The following CXCL13 variants were observed in gnomAD, a reference collection of about 807,000 sequenced individuals.
The protein encoded by CXCL13 is C-X-C motif chemokine ligand 13.
CXCL13 carries 7 observed loss-of-function variants against 12.2 expected under a neutral mutation model. The ratio of observed to expected loss-of-function variants is 0.57; its 90% CI spans 0.33 to 1.07. CXCL13 has a LOEUF of 1.07. CXCL13 is among the 50% of genes least tolerant of loss of function. CXCL13 has a pLI of 0.04. For synonymous variants in CXCL13, 47 were observed against 42.4 expected (o/e 1.11, Z -0.42); for missense variants, 113 against 127.4 (o/e 0.89, Z 0.55).
At chr4:77,539,731 G>A (rs1725155876) in intron 1 of CXCL13, among the ~76,000 whole-genome samples, 1 of 152,186 alleles carries the variant, frequency 6.6e-6, no homozygotes, top group African/African-American at 2.4e-5. Flanking sequence ...ACCAGTTTCA[G>A]GTGTTTATAT....
intron 1 of CXCL13, among the ~76,000 whole-genome samples, chr4:77,588,008 C>G (rs1726519761): frequency 1.3e-5 from 2 of 152,216 alleles, no homozygotes. Context: ...AGGTTCCCAC[C>G]TACTCAGCCT....
intron 1 of CXCL13, among the ~76,000 whole-genome samples, chr4:77,589,262 A>T (rs1726551449): frequency 6.6e-6 from 1 of 152,202 alleles, no homozygotes; most frequent in African/African-American, 2.4e-5. Flanking sequence ...GTAAAATCTC[A>T]TGCCATCCTG....
chr4:77,569,523 A>G (rs1726014188), intron 1 of CXCL13, among the ~76,000 whole-genome samples: 1 of 152,292 alleles, frequency 6.6e-6, no homozygotes, highest in South Asian at 2.1e-4. Context: ...CAACTGCCAC[A>G]CACACACATA....
intron 1 of CXCL13, among the ~76,000 whole-genome samples, chr4:77,564,669 C>T (rs1369991335): frequency 1.3e-5 from 2 of 152,164 alleles, no homozygotes; most frequent in Non-Finnish European, 2.9e-5. Context: ...AAATCATTGC[C>T]CAGGGCACCT....
chr4:77,567,344 G>T (rs1725963684), intron 1 of CXCL13, among the ~76,000 whole-genome samples: 1 of 152,138 alleles, frequency 6.6e-6, no homozygotes, highest in Admixed American at 6.5e-5. Context: ...CCTATTTGGT[G>T]GTCTCTTCAC....
At chr4:77,588,321 G>C (rs1726528424) in intron 1 of CXCL13, among the ~76,000 whole-genome samples, 1 of 152,166 alleles carries the variant, frequency 6.6e-6, no homozygotes, top group African/African-American at 2.4e-5. Context: ...TGAGGCATAA[G>C]ATAAACTATG....
chr4:77,605,976 C>A, intron 1 of CXCL13, 47 bp downstream of exon 1: 1 of 1,336,144 alleles, frequency 7.5e-7, no homozygotes, highest in East Asian at 2.4e-5. Context: ...CAGAAATAGT[C>A]TTTAACCACT....
chr4:77,516,945 G>C (rs1309595659), intron 1 of CXCL13, among the ~76,000 whole-genome samples: 1 of 152,088 alleles, frequency 6.6e-6, no homozygotes, highest in Admixed American at 6.5e-5. Flanking sequence ...TGGGCATTTA[G>C]TGCTATAAAT....
At chr4:77,562,277 C>A (rs1560526839) in intron 1 of CXCL13, among the ~76,000 whole-genome samples, 1 of 151,472 alleles carries the variant, frequency 6.6e-6, no homozygotes, top group Non-Finnish European at 1.5e-5. Flanking sequence ...GCAACGCCCC[C>A]TGCTCTGCTG....
upstream of CXCL13, among the ~76,000 whole-genome samples, chr4:77,605,167 G>T (rs912688156): frequency 3.9e-5 from 6 of 152,104 alleles, no homozygotes; most frequent in Admixed American, 1.3e-4. Flanking sequence ...CAAGGCTGTT[G>T]TCTCCCTCCC....
intron 1 of CXCL13, among the ~76,000 whole-genome samples, chr4:77,594,299 G>T (rs1440308260): frequency 6.6e-6 from 1 of 152,006 alleles, no homozygotes; most frequent in East Asian, 1.9e-4. Context: ...TGAAAACCTG[G>T]GTCCACAGAG....
chr4:77,591,173 T>C (rs1726599262), intron 1 of CXCL13, among the ~76,000 whole-genome samples: 1 of 152,192 alleles, frequency 6.6e-6, no homozygotes, highest in African/African-American at 2.4e-5. Flanking sequence ...TATTATACTA[T>C]CATTATTGTT....
At chr4:77,569,588 A>G (rs931537412) in intron 1 of CXCL13, among the ~76,000 whole-genome samples, 5 of 152,198 alleles carry the variant, frequency 3.3e-5, no homozygotes, top group Non-Finnish European at 7.3e-5. Flanking sequence ...AGATTTCTAC[A>G]AGGAGACCTA....
chr4:77,558,449 T>C (rs1725716571), intron 1 of CXCL13, among the ~76,000 whole-genome samples: 1 of 152,180 alleles, frequency 6.6e-6, no homozygotes, highest in Non-Finnish European at 1.5e-5. Flanking sequence ...GCCTCCCAAA[T>C]TCAAGCAATT....
rs1726130132 is a variant in CXCL13 at position 77,573,271 on chromosome 4, GA to G, written c.-42-32552del. On this transcript the variant is annotated intron_variant, in intron 1 of 4. Coordinates refer to the CXCL13 transcript ENST00000286758. ...AATTTAAAAAAAAGAAATTTTCTAAGAGAAATAATTTGAATCCACTTATATT... is the reference window on the plus strand; with the variant it reads ...AATTTAAAAAAAAGAAATTTTCTAAGGAAATAATTTGAATCCACTTATATT... Among the ~76,000 whole-genome samples the G allele has an allele frequency of 7.3e-5, 11 of 151,670 alleles. No homozygotes were observed. The South Asian group carries it at 2.3e-3, about 31-fold the overall frequency.
chr4:77,516,407 G>T (rs1203528637), intron 1 of CXCL13, among the ~76,000 whole-genome samples: 1 of 152,118 alleles, frequency 6.6e-6, no homozygotes, highest in Non-Finnish European at 1.5e-5. Flanking sequence ...TGTACCTCTG[G>T]TAGAATTCGG....
intron 1 of CXCL13, among the ~76,000 whole-genome samples, chr4:77,575,878 T>C (rs1157366815): frequency 2.0e-5 from 3 of 151,830 alleles, no homozygotes; most frequent in Non-Finnish European, 4.4e-5. Flanking sequence ...TATTCCAAAA[T>C]TGTATGGGGT....
intron 1 of CXCL13, among the ~76,000 whole-genome samples, chr4:77,560,751 T>C (rs1725792446): frequency 6.6e-6 from 1 of 152,224 alleles, no homozygotes; most frequent in Non-Finnish European, 1.5e-5. Flanking sequence ...TTCACACCAC[T>C]ACCCTATATA....
intron 1 of CXCL13, among the ~76,000 whole-genome samples, chr4:77,561,439 T>C (rs1411057231): frequency 6.6e-6 from 1 of 152,236 alleles, no homozygotes; most frequent in Non-Finnish European, 1.5e-5. Flanking sequence ...TGATGCTTCA[T>C]ACAGTTCTAA....
Sources: allele counts gnomAD v4.1 joint callset (sites outside exome capture counted in the v4.1 genomes callset), GRCh38; gene constraint gnomAD v4.1.1; transcripts MANE v1.5; gene names NCBI Gene and HGNC (gene_info 2026-07-23, HGNC 2026-07-21).